Variants in BTRC observed in about 807,000 individuals in gnomAD.
The protein encoded by BTRC is F-box/WD repeat-containing protein 1A.
BTRC carries 42 observed loss-of-function variants against 85.5 expected under a neutral mutation model. The observed-to-expected ratio is 0.49, with a 90% confidence interval of 0.38 to 0.64. BTRC has a LOEUF of 0.64. Ranked by LOEUF, BTRC falls within the 30% of genes least tolerant of loss-of-function variation. The pLI is 0.00. For missense variants in BTRC, 594 were observed against 743.5 expected, an observed-to-expected ratio of 0.80 and a Z score of 2.34; for synonymous variants, 255 against 263.3, an observed-to-expected ratio of 0.97 and a Z score of 0.30.
At chr10:101,357,440 CAAAAAAAA>C (rs11294551) in intron 1 of BTRC, among the ~76,000 whole-genome samples, 1 of 85,788 alleles carries the variant, frequency 1.2e-5, no homozygotes, top group Non-Finnish European at 2.2e-5. Flanking sequence ...GACTCTGTCT[CAAAAAAAA>C]AAAAAAAAAA....
At chr10:101,453,927 G>A (rs556172564) in intron 2 of BTRC, among the ~76,000 whole-genome samples, 31 of 152,302 alleles carry the variant, frequency 2.0e-4, no homozygotes, top group Non-Finnish European at 4.1e-4. Flanking sequence ...CCGTTGTAGT[G>A]TGAAAGCAGC....
At chr10:101,459,811 A>G (rs1424915695) in intron 2 of BTRC, among the ~76,000 whole-genome samples, 1 of 152,180 alleles carries the variant, frequency 6.6e-6, no homozygotes, top group African/African-American at 2.4e-5. Flanking sequence ...GTCAGTAAAA[A>G]GAAAATTGTG....
At chr10:101,498,907 C>T (rs939431295) in intron 4 of BTRC, among the ~76,000 whole-genome samples, 2 of 151,894 alleles carry the variant, frequency 1.3e-5, no homozygotes, top group Non-Finnish European at 2.9e-5. Context: ...GCAGGAGAAT[C>T]ACTTAAACCC....
At chr10:101,440,108 T>C (rs1037453787) in intron 2 of BTRC, among the ~76,000 whole-genome samples, 7 of 152,230 alleles carry the variant, frequency 4.6e-5, no homozygotes, top group Non-Finnish European at 5.9e-5. Context: ...ATTATGCTTA[T>C]ATTAGTCCAG....
At chr10:101,495,661 G>T (rs925879169) in intron 4 of BTRC, among the ~76,000 whole-genome samples, 2 of 152,116 alleles carry the variant, frequency 1.3e-5, no homozygotes, top group African/African-American at 4.8e-5. Context: ...AGAAGTCCCT[G>T]TTTCCTTTAT....
At chr10:101,481,999 T>C (rs1405831349) in intron 4 of BTRC, among the ~76,000 whole-genome samples, 1 of 152,150 alleles carries the variant, frequency 6.6e-6, no homozygotes, top group Non-Finnish European at 1.5e-5. Flanking sequence ...GAGGTACCCA[T>C]AGCATGAGAA....
At chr10:101,494,817 T>C (rs944406682) in intron 4 of BTRC, among the ~76,000 whole-genome samples, 3 of 152,216 alleles carry the variant, frequency 2.0e-5, no homozygotes, top group Non-Finnish European at 4.4e-5. Context: ...TCTGTCTGGA[T>C]TGCAGAGGAT....
Position 101,550,877 on chromosome 10 carries a change from C to T in BTRC, c.*17C>T. 1 of 1,601,328 alleles carries T rather than the reference C, an allele frequency of 6.2e-7. No homozygotes were observed. The highest frequency in any genetic ancestry group is 1.1e-5 in the South Asian group (1 of 90,446). ...TCCAGATAAATAACCATACACTGACCTCATACTTGCCCAGGTATCGAAATC... is the reference window on the plus strand; with the variant it reads ...TCCAGATAAATAACCATACACTGACTTCATACTTGCCCAGGTATCGAAATC... On this transcript the variant is annotated 3_prime_UTR_variant, in exon 14 of 15. Transcript: ENST00000370187.
chr10:101,552,822 C>T (rs1448668143), intron 14 of BTRC, among the ~76,000 whole-genome samples: 1 of 152,138 alleles, frequency 6.6e-6, no homozygotes, highest in Non-Finnish European at 1.5e-5. Context: ...AAGGCAGGGC[C>T]CACAGACCAT....
chr10:101,532,509 A>C (rs922103022), intron 8 of BTRC, 77 bp downstream of exon 8: 61 of 1,430,178 alleles, frequency 4.3e-5, no homozygotes, highest in Non-Finnish European at 5.5e-5. Flanking sequence ...TAAAGCATAA[A>C]CTCTAAGCAT....
chr10:101,396,232 G>C (rs1943359318), intron 1 of BTRC, among the ~76,000 whole-genome samples: 1 of 150,408 alleles, frequency 6.6e-6, no homozygotes, highest in African/African-American at 2.5e-5. Context: ...TGGTGATCTA[G>C]TAGCCAGAAT....
At chr10:101,537,200 C>G (rs2062399380) in intron 12 of BTRC, among the ~76,000 whole-genome samples, 1 of 151,962 alleles carries the variant, frequency 6.6e-6, no homozygotes, top group Non-Finnish European at 1.5e-5. Flanking sequence ...GTGAATGGAC[C>G]CCATGTCCAC....
intron 13 of BTRC, among the ~76,000 whole-genome samples, chr10:101,542,284 T>G (rs34101933): frequency 0.26 from 40,057 of 151,940 alleles, 6,317 homozygotes; most frequent in South Asian, 0.4. Flanking sequence ...TTGATTTTTT[T>G]TTTTTATTTT....
At chr10:101,357,080 G>C (rs1422632389) in intron 1 of BTRC, among the ~76,000 whole-genome samples, 1 of 151,550 alleles carries the variant, frequency 6.6e-6, no homozygotes, top group Non-Finnish European at 1.5e-5. Flanking sequence ...AGTGAGCCAA[G>C]ATCGCGCCAC....
At position 101,555,907 on chromosome 10, in the gene BTRC, T is replaced by C. The variant is rs1554901545; in HGVS notation, c.*2784T>C. The C allele has an allele frequency of 6.6e-6, 1 of 152,200 alleles. No homozygotes were observed. Among genetic ancestry groups the C allele is most frequent in the Non-Finnish European group, 1.5e-5 (1 of 68,044 alleles). The allele number at this position is 152,200 out of a possible 1,614,324, so 9.4% of individuals were successfully genotyped here. A position where few individuals can be genotyped will look rare whatever the true frequency, so the allele number is the denominator to read the frequency against. On this transcript the variant is annotated 3_prime_UTR_variant, in exon 15 of 15. Transcript: ENST00000370187. ...GAGGTACAGACACGTGACCTTTTGG[T>C]GCACACTGGAGCTACTTGGACAAGA...
At chr10:101,363,583 C>T (rs1036529551) in intron 1 of BTRC, among the ~76,000 whole-genome samples, 2 of 152,006 alleles carry the variant, frequency 1.3e-5, no homozygotes, top group African/African-American at 2.4e-5. Flanking sequence ...CTCAGCCTCC[C>T]GAGTAGCTGG....
At chr10:101,449,111 C>T (rs925430717) in intron 2 of BTRC, among the ~76,000 whole-genome samples, 3 of 151,914 alleles carry the variant, frequency 2.0e-5, no homozygotes, top group African/African-American at 7.2e-5. Context: ...CCCAGTCTAG[C>T]TTTCAGAAAT....
chr10:101,532,810 G>A (rs1010806504), intron 8 of BTRC, 142 bp from the exon 9 acceptor site: 5 of 676,528 alleles, frequency 7.4e-6, no homozygotes, highest in Admixed American at 4.8e-5. Context: ...GCGCGCGCGC[G>A]CTTAGCTATA....
At chr10:101,455,940 G>A (rs926042204) in intron 2 of BTRC, among the ~76,000 whole-genome samples, 1 of 142,102 alleles carries the variant, frequency 7.0e-6, no homozygotes, top group Non-Finnish European at 1.5e-5. Flanking sequence ...TTAGGAGTTC[G>A]AGGCTAGCCT....
Sources: allele counts gnomAD v4.1 joint callset (sites outside exome capture counted in the v4.1 genomes callset), GRCh38; gene constraint gnomAD v4.1.1; transcripts MANE v1.5; gene names NCBI Gene and HGNC (gene_info 2026-07-23, HGNC 2026-07-21).